Variants in MAP4K2 observed in about 807,000 individuals in gnomAD.
MAP4K2 encodes mitogen-activated protein kinase kinase kinase kinase 2, also known as B lymphocyte serine/threonine protein kinase.
A neutral mutation model predicts 125.3 loss-of-function variants in MAP4K2; 85 were observed. The observed-to-expected ratio is 0.68, with a 90% CI of 0.57 to 0.81. The LOEUF is 0.81. Among genes scored for constraint, MAP4K2 ranks in the 40% least tolerant of loss-of-function variants. The pLI, the probability that MAP4K2 is intolerant of heterozygous loss-of-function variation, is 0.00. For missense variants in MAP4K2, 923 were observed against 1,056.4 expected (o/e 0.87, Z 1.75); for synonymous variants, 479 against 445.1 (o/e 1.08, Z -0.96).
In MAP4K2 at chr11:64,801,701, G is replaced by C; in HGVS notation, c.414+9C>G. 6.2e-7 allele frequency: 1 copy of C among 1,613,972 alleles called. No individual in the cohort carries two copies. The highest frequency in any genetic ancestry group is 8.5e-7 in the Non-Finnish European group (1 of 1,179,956). ...CCCTCCCCAGGAGTGCCCCCAGCTA[G>C]GTGCCTACCTTGATGTCTCTGTGGA... On this transcript the variant is annotated intron_variant, in intron 6 of 31. Coordinates refer to ENST00000294066, the MANE Select transcript of MAP4K2 (RefSeq NM_004579.5).
intron 2 of MAP4K2, 25 bp from the exon 3 acceptor site, chr11:64,802,678 G>A (rs1469264690): frequency 1.9e-6 from 3 of 1,606,292 alleles, no homozygotes; most frequent in East Asian, 2.2e-5. Context: ...GCATCATGGG[G>A]AAGGCGCGCT....
At chr11:64,798,355 G>A (rs564348991) in intron 15 of MAP4K2, among the ~76,000 whole-genome samples, 4 of 151,686 alleles carry the variant, frequency 2.6e-5, no homozygotes, top group South Asian at 2.1e-4. Flanking sequence ...TACTAGAGAC[G>A]GGCTTTCACC....
chr11:64,797,249 C>T (rs1470079244), intron 18 of MAP4K2, 26 bp downstream of exon 18: 1 of 1,600,510 alleles, frequency 6.2e-7, no homozygotes, highest in South Asian at 1.1e-5. Flanking sequence ...GGGGCTGCCT[C>T]CTGGCCTCCC....
rs537193551 is a variant in MAP4K2 at position 64,802,880 on chromosome 11, C to T, written c.154+5G>A. The T allele has an allele frequency of 1.2e-6, 2 of 1,600,550 alleles. No individual in the cohort carries two copies. Among genetic ancestry groups the T allele is most frequent in the East Asian group, 2.3e-5 (1 of 44,352 alleles). ...CTGGCGCAGAGGCCCGACCCGGGCC[C>T]TCACCTGGGTCTAGCTTGACTATCT... On this transcript the variant is annotated splice_donor_5th_base_variant and intron_variant, in intron 2 of 31. Coordinates refer to ENST00000294066, the MANE Select transcript of MAP4K2 (RefSeq NM_004579.5).
Position 64,803,179 on chromosome 11 carries a change from G to T in MAP4K2, c.-30C>A. 9.4e-7 allele frequency: 1 copy of T among 1,061,344 alleles called. No individual in the cohort carries two copies. Among genetic ancestry groups the T allele is most frequent in the African/African-American group, 1.7e-5 (1 of 58,828 alleles). 65.7% of individuals were successfully genotyped at this position (1,061,344 alleles called of 1,614,324 possible). A position where few individuals can be genotyped will look rare whatever the true frequency, so the allele number is the denominator to read the frequency against. On this transcript the variant is annotated 5_prime_UTR_variant, in exon 1 of 32. Coordinates refer to ENST00000294066, the MANE Select transcript of MAP4K2 (RefSeq NM_004579.5). Reference sequence around the variant, plus strand: ...CGGCGCCGGGCGGGCCGGCAGGCGGGCGGGCGCGAGCTGCGGAGCCGGCGC... The same window carrying T: ...CGGCGCCGGGCGGGCCGGCAGGCGGTCGGGCGCGAGCTGCGGAGCCGGCGC...
chr11:64,803,057 G>A lies in MAP4K2; in HGVS notation c.93C>T (p.Tyr31=). The A allele has an allele frequency of 6.2e-7, 1 of 1,604,488 alleles. No homozygotes were observed. Among genetic ancestry groups the A allele is most frequent in the South Asian group, 1.1e-5 (1 of 90,632 alleles). Residue 31 remains tyrosine, a synonymous_variant, in exon 1 of 32, where the codon TAC becomes TAT. Transcript: ENST00000294066. The stretch of plus-strand genomic sequence containing the variant: ...TCTCCCGCCCGTCCCGTCGCACCTT[G>A]TAGACGTCGCCATAGGTCCCGGCCC... ...RVGAGTYGDV[Y]KARDTVTSEL...
chr11:64,802,747 G>T (rs1293793303), intron 2 of MAP4K2, 94 bp from the exon 3 acceptor site: 14 of 1,472,178 alleles, frequency 9.5e-6, no homozygotes, highest in Non-Finnish European at 1.3e-5. Context: ...CCTCCCTCCG[G>T]GCCAGGCAGG....
intron 15 of MAP4K2, 95 bp downstream of exon 15, chr11:64,798,699 T>G (rs1051443123): frequency 3.4e-5 from 47 of 1,363,182 alleles, no homozygotes; most frequent in Non-Finnish European, 4.5e-5. Flanking sequence ...CCTCCTAAAG[T>G]GCTGGGATTA....
chr11:64,792,016 G>A lies in MAP4K2; in HGVS notation c.1985C>T (p.Pro662Leu). The A allele has an allele frequency of 4.4e-6, 7 of 1,598,164 alleles. No homozygotes were observed. Among genetic ancestry groups the A allele is most frequent in the Non-Finnish European group, 6.0e-6 (7 of 1,173,048 alleles). Reference protein sequence around the residue: ...EPLVLDGKELPQVCVGAEGPE... With the variant: ...EPLVLDGKELLQVCVGAEGPE... ...CCCCTCGGCCCCAACACACACCTGCGGCAGCTCCTTCCCATCCAGCACCAG... is the reference window on the plus strand; with the variant it reads ...CCCCTCGGCCCCAACACACACCTGCAGCAGCTCCTTCCCATCCAGCACCAG... Residue 662 changes from proline (P) to leucine (L), a missense_variant, in exon 27 of 32, where the codon CCG becomes CTG. Around this residue, in one of 2 missense-constraint regions of MAP4K2, gnomAD observed 833 missense variants for 911.4 expected, o/e 0.91. Transcript: ENST00000294066.
At chr11:64,790,596 G>T in intron 27 of MAP4K2, 134 bp from the exon 28 acceptor site, 2 of 765,808 alleles carry the variant, frequency 2.6e-6, no homozygotes, top group Non-Finnish European at 4.4e-6. Flanking sequence ...GTGGGGCTGG[G>T]AAACCTCATC....
intron 30 of MAP4K2, 42 bp from the exon 31 acceptor site, chr11:64,789,827 T>A: frequency 6.2e-7 from 1 of 1,613,966 alleles, no homozygotes; most frequent in Non-Finnish European, 8.5e-7. Context: ...CTCCAGTAGG[T>A]CCTTTCCAAA....
rs1296523440 is a variant in MAP4K2, at chr11:64,802,558, C to T, written c.245+5G>A. ...CCTGGGGCCAGGAGGATAAGGCAGCCTCACCTGAGGTAGCTGCCAATGTAG... is the reference window on the plus strand; with the variant it reads ...CCTGGGGCCAGGAGGATAAGGCAGCTTCACCTGAGGTAGCTGCCAATGTAG... On this transcript the variant is annotated splice_donor_5th_base_variant and intron_variant, in intron 3 of 31. Coordinates refer to ENST00000294066, the MANE Select transcript of MAP4K2 (RefSeq NM_004579.5). 1.2e-6 allele frequency: 2 copies of T among 1,603,006 alleles called. No homozygotes were observed. The highest frequency in any genetic ancestry group is 2.7e-5 in the African/African-American group (2 of 74,778).
Position 64,803,040 on chromosome 11 carries a change from C to G in MAP4K2, c.96+14G>C, listed in dbSNP as rs951947849. 1 of 1,602,096 alleles carries G rather than the reference C, an allele frequency of 6.2e-7. No individual in the cohort carries two copies. Among genetic ancestry groups the G allele is most frequent in the Admixed American group, 1.7e-5 (1 of 59,656 alleles). On this transcript the variant is annotated intron_variant, in intron 1 of 31. Coordinates refer to ENST00000294066, the MANE Select transcript of MAP4K2 (RefSeq NM_004579.5). The stretch of plus-strand genomic sequence containing the variant: ...GGCACCCTCCTCCCGGCTCTCCCGC[C>G]CGTCCCGTCGCACCTTGTAGACGTC...
chr11:64,785,022 A>C lies in MAP4K2; in HGVS notation c.*4515T>G, dbSNP rs537002429. The C allele has an allele frequency of 1.3e-5, 2 of 152,362 alleles. No individual in the cohort carries two copies. The highest frequency in any genetic ancestry group is 4.8e-5 in the African/African-American group (2 of 41,576). 9.4% of individuals were successfully genotyped at this position (152,362 alleles called of 1,614,324 possible). A position where few individuals can be genotyped will look rare whatever the true frequency, so the allele number is the denominator to read the frequency against. The stretch of plus-strand genomic sequence containing the variant: ...CCAAACTGGTGCATCCAAACAATGG[A>C]ATACTACTTGGCAATAAAAAGGAAT... On this transcript the variant is annotated 3_prime_UTR_variant, in exon 32 of 32. Transcript: ENST00000294066.
chr11:64,803,161 G>C lies in MAP4K2; in HGVS notation c.-12C>G, dbSNP rs939113452. The C allele has an allele frequency of 8.0e-7, 1 of 1,249,088 alleles. No individual in the cohort carries two copies. The highest frequency in any genetic ancestry group is 2.4e-5 in the South Asian group (1 of 41,654). The allele number at this position is 1,249,088 out of a possible 1,614,324, so 77.4% of individuals were successfully genotyped here. A position where few individuals can be genotyped will look rare whatever the true frequency, so the allele number is the denominator to read the frequency against. ...CGCAGCAGCGCCATGGCCCGGCGCC[G>C]GGCGGGCCGGCAGGCGGGCGGGCGC... is the stretch of plus-strand genomic sequence containing the variant. On this transcript the variant is annotated 5_prime_UTR_variant, in exon 1 of 32. Transcript: ENST00000294066.
chr11:64,796,728 A>T lies in MAP4K2; in HGVS notation c.1493-15T>A, dbSNP rs1461292321. Reference sequence around the variant, plus strand: ...CAGGAACTGGTCTGCCAGTTTGGGCATGGGGTCAGAGGTCAGACATGGCCC... The same window carrying T: ...CAGGAACTGGTCTGCCAGTTTGGGCTTGGGGTCAGAGGTCAGACATGGCCC... On this transcript the variant is annotated splice_polypyrimidine_tract_variant and intron_variant, in intron 21 of 31. Transcript: ENST00000294066. 1 of 1,613,986 alleles carries T rather than the reference A, an allele frequency of 6.2e-7. No homozygotes were observed. Among genetic ancestry groups the T allele is most frequent in the East Asian group, 2.2e-5 (1 of 44,876 alleles).
chr11:64,796,912 G>A lies in MAP4K2; in HGVS notation c.1408-19C>T, dbSNP rs369890674. On this transcript the variant is annotated intron_variant, in intron 20 of 31. Coordinates refer to ENST00000294066, the MANE Select transcript of MAP4K2 (RefSeq NM_004579.5). ...CGCCCATCTGCAGAGGAGGCAAGAG[G>A]CTGGCGAGGGAGTGCAGGGGTGGTG... 6.8e-6 allele frequency: 11 copies of A among 1,613,858 alleles called. No homozygotes were observed. The African/African-American group carries it at 1.5e-4, about 22-fold the overall frequency.
At chr11:64,800,684 C>T in intron 10 of MAP4K2, 80 bp downstream of exon 10, 3 of 1,533,706 alleles carry the variant, frequency 2.0e-6, no homozygotes, top group Non-Finnish European at 8.8e-7. Flanking sequence ...TGGGGTTGCC[C>T]CCCGGGAGTT....
intron 14 of MAP4K2, among the ~76,000 whole-genome samples, 193 bp from the exon 15 acceptor site, chr11:64,799,030 G>A (rs1455831103): frequency 2.0e-5 from 3 of 152,232 alleles, no homozygotes; most frequent in Admixed American, 2.0e-4. Flanking sequence ...GCAACAGACA[G>A]CGAGGGAGGA....
Sources: allele counts gnomAD v4.1 joint callset (sites outside exome capture counted in the v4.1 genomes callset), GRCh38; gene constraint gnomAD v4.1.1; regional missense constraint gnomAD v4.1.1; transcripts MANE v1.5; gene names NCBI Gene and HGNC (gene_info 2026-07-23, HGNC 2026-07-21).